Variants in ADCK1 observed in about 807,000 individuals in gnomAD.
The protein encoded by ADCK1 is aarF domain-containing protein kinase 1.
Under a neutral mutation model 52.3 loss-of-function variants are expected in ADCK1, and 41 were observed. The observed-to-expected ratio is 0.78, with a 90% confidence interval of 0.61 to 1.02. The LOEUF is 1.02. ADCK1 is among the 50% of genes least tolerant of loss of function. The pLI is 0.00. For synonymous variants in ADCK1, 250 were observed against 274.6 expected (o/e 0.91, Z 0.89); for missense variants, 658 against 679.5 (o/e 0.97, Z 0.35).
intron 4 of ADCK1, among the ~76,000 whole-genome samples, chr14:77,880,788 G>A (rs149023878): frequency 9.1e-4 from 138 of 152,362 alleles, no homozygotes; most frequent in African/African-American, 3.0e-3. Context: ...GTTTTTCTGA[G>A]AGGCTGTTGC....
intron 3 of ADCK1, among the ~76,000 whole-genome samples, chr14:77,826,385 C>T (rs879352655): frequency 6.6e-5 from 10 of 152,098 alleles, no homozygotes; most frequent in South Asian, 2.1e-4. Context: ...CTTCGGCAGG[C>T]GGTGACTTCG....
chr14:77,915,940 T>C (rs1413538515), intron 7 of ADCK1, among the ~76,000 whole-genome samples: 1 of 152,174 alleles, frequency 6.6e-6, no homozygotes, highest in Non-Finnish European at 1.5e-5. Context: ...AACAGAACGC[T>C]TGGTACGGTG....
At chr14:77,814,695 C>CAAAAAAAAAAA (rs995163952) in intron 1 of ADCK1, among the ~76,000 whole-genome samples, 118 of 35,710 alleles carry the variant, frequency 3.3e-3, no homozygotes, top group East Asian at 7.3e-3. Context: ...AAGACACTCT[C>CAAAAAAAAAAA]AAAAAAAAAA....
chr14:77,855,113 T>A (rs1159315010), intron 3 of ADCK1, among the ~76,000 whole-genome samples: 2 of 152,234 alleles, frequency 1.3e-5, no homozygotes, highest in African/African-American at 4.8e-5. Context: ...TGCCTTTGAC[T>A]CTGGTGCTTC....
intron 7 of ADCK1, among the ~76,000 whole-genome samples, chr14:77,921,587 C>G (rs1283855884): frequency 6.6e-6 from 1 of 152,092 alleles, no homozygotes; most frequent in East Asian, 1.9e-4. Context: ...ATGCCATTGG[C>G]AGGGACTCCC....
At chr14:77,827,296 G>T (rs539177595) in intron 3 of ADCK1, among the ~76,000 whole-genome samples, 3 of 148,174 alleles carry the variant, frequency 2.0e-5, no homozygotes, top group African/African-American at 7.5e-5. Flanking sequence ...AGGTTGCAGT[G>T]AGCTGAGATT....
chr14:77,887,335 G>C, intron 5 of ADCK1, 86 bp downstream of exon 5: 2 of 1,407,008 alleles, frequency 1.4e-6, no homozygotes. Flanking sequence ...GGTTCAAGCT[G>C]GTGAGTGGAG....
chr14:77,867,274 C>G (rs997909212), intron 4 of ADCK1, among the ~76,000 whole-genome samples: 3 of 152,136 alleles, frequency 2.0e-5, no homozygotes, highest in African/African-American at 7.2e-5. Context: ...TTTGTCTCCC[C>G]AGACTGTCCC....
At chr14:77,926,883 C>A (rs1429612079) in intron 9 of ADCK1, among the ~76,000 whole-genome samples, 1 of 152,118 alleles carries the variant, frequency 6.6e-6, no homozygotes, top group African/African-American at 2.4e-5. Flanking sequence ...GGCTCCCTTC[C>A]AGGGGGCTTT....
intron 4 of ADCK1, among the ~76,000 whole-genome samples, chr14:77,870,749 C>T (rs970270117): frequency 3.3e-5 from 5 of 152,204 alleles, no homozygotes; most frequent in African/African-American, 9.7e-5. Flanking sequence ...TCTTGAAGGA[C>T]TTGCCCTGGC....
intron 1 of ADCK1, among the ~76,000 whole-genome samples, chr14:77,815,528 T>A (rs944520546): frequency 4.6e-5 from 7 of 151,324 alleles, no homozygotes; most frequent in African/African-American, 1.7e-4. Flanking sequence ...GCATTTTTTT[T>A]TTTTTTTTTG....
At chr14:77,890,453 C>T (rs1423928140) in intron 5 of ADCK1, among the ~76,000 whole-genome samples, 2 of 152,204 alleles carry the variant, frequency 1.3e-5, no homozygotes, top group Non-Finnish European at 2.9e-5. Flanking sequence ...TTGGAAACTA[C>T]ATAGGATTAC....
Position 77,883,213 on chromosome 14 carries a change from GA to G in ADCK1, c.424-3871del, listed in dbSNP as rs556375586. ...TTTTGCCGCTAGACCCAGAGCGGGG[GA>G]AAAAAAGAAATGGGGAAAGAAAGCC... On this transcript the variant is annotated intron_variant, in intron 4 of 10. Transcript: ENST00000238561. Among the ~76,000 whole-genome samples the G allele has an allele frequency of 1.8e-3, 277 of 152,098 alleles. 3 individuals carry two copies. Among genetic ancestry groups the G allele is most frequent in the African/African-American group, 6.4e-3 (264 of 41,478 alleles).
chr14:77,845,307 G>A (rs1338842266), intron 3 of ADCK1, among the ~76,000 whole-genome samples: 6 of 152,200 alleles, frequency 3.9e-5, no homozygotes, highest in African/African-American at 7.2e-5. Flanking sequence ...TAAAAGAGAG[G>A]ATAATAATTA....
intron 7 of ADCK1, among the ~76,000 whole-genome samples, chr14:77,912,398 A>T (rs1035963091): frequency 1.3e-5 from 2 of 151,656 alleles, no homozygotes; most frequent in African/African-American, 4.8e-5. Context: ...TTACCAACTA[A>T]CATCAAAGCC....
At position 77,923,176 on chromosome 14, in the gene ADCK1, C is replaced by T. The variant is rs1194177284; in HGVS notation, c.859-1281C>T. 6.6e-6 allele frequency: 1 copy of T among 152,136 alleles called. No homozygotes were observed. Among genetic ancestry groups the T allele is most frequent in the Non-Finnish European group, 1.5e-5 (1 of 68,044 alleles). The allele number at this position is 152,136 out of a possible 1,614,324, so 9.4% of individuals were successfully genotyped here. A position where few individuals can be genotyped will look rare whatever the true frequency, so the allele number is the denominator to read the frequency against. ...TGAGCTAGTGCCCTGAAAGAAAAGG[C>T]CTTTGAGAACGTATGGCAAGGGAAC... On this transcript the variant is annotated intron_variant, in intron 7 of 10. Coordinates refer to ENST00000238561, the MANE Select transcript of ADCK1 (RefSeq NM_020421.4). This position sits in a 1 kb window ranked among gnomAD's most constrained non-coding sequence, Gnocchi z 4.3.
At chr14:77,803,567 C>G (rs1336774984) in intron 1 of ADCK1, among the ~76,000 whole-genome samples, 2 of 152,172 alleles carry the variant, frequency 1.3e-5, no homozygotes, top group Non-Finnish European at 1.5e-5. Context: ...TGGGGTGTTT[C>G]CTGTGGTCCA....
At chr14:77,874,488 G>A (rs1374869117) in intron 4 of ADCK1, among the ~76,000 whole-genome samples, 1 of 152,146 alleles carries the variant, frequency 6.6e-6, no homozygotes, top group Non-Finnish European at 1.5e-5. Flanking sequence ...GTCCTTTATG[G>A]TGTCACCTGA....
intron 5 of ADCK1, among the ~76,000 whole-genome samples, chr14:77,889,385 A>G (rs2083231874): frequency 6.6e-6 from 1 of 152,220 alleles, no homozygotes. Flanking sequence ...GTACTCACCT[A>G]TTTTCAGGAC....
Sources: gnomAD v4.1 joint callset for allele counts (sites outside exome capture counted in the v4.1 genomes callset) on GRCh38, gnomAD v4.1.1 for gene constraint, Gnocchi (gnomAD v3.1) non-coding constraint, MANE v1.5 for transcripts, NCBI Gene and HGNC (gene_info 2026-07-23, HGNC 2026-07-21) for gene names.